NBAS: variants seen among roughly 807,000 people sequenced by gnomAD.
NBAS encodes the protein NBAS subunit of NRZ tethering complex.
Under a neutral mutation model 302.5 loss-of-function variants are expected in NBAS, and 219 were observed. The ratio of observed to expected loss-of-function variants is 0.72; its 90% CI spans 0.65 to 0.81. The LOEUF (loss-of-function observed/expected upper bound fraction) is 0.81. NBAS is among the 30% of genes least tolerant of loss of function. NBAS has a pLI of 0.00. For missense variants in NBAS, 2,932 were observed against 2,841.6 expected (o/e 1.03, Z -0.72); for synonymous variants, 1,118 against 1,021.6 (o/e 1.09, Z -1.80).
intron 24 of NBAS, 120 bp downstream of exon 24, chr2:15,417,407 C>G: frequency 2.3e-6 from 2 of 884,570 alleles, no homozygotes; most frequent in Non-Finnish European, 3.4e-6. Flanking sequence ...AAAAGTCAAT[C>G]TTTATTTACT....
chr2:15,170,270 C>T (rs1457354317), intron 51 of NBAS, among the ~76,000 whole-genome samples: 1 of 152,128 alleles, frequency 6.6e-6, no homozygotes, highest in African/African-American at 2.4e-5. Flanking sequence ...AAATCCTTCC[C>T]GTGTTTCTGG....
At chr2:14,865,920 G>C in the NBAS span, among the ~76,000 whole-genome samples, 1 of 152,108 alleles carries the variant, frequency 6.6e-6, no homozygotes, top group Admixed American at 6.5e-5. Context: ...GATCCAAACT[G>C]AAGATCTCAT....
the NBAS span, among the ~76,000 whole-genome samples, chr2:14,885,422 A>T: frequency 2.8e-3 from 419 of 152,290 alleles, 1 homozygote; most frequent in African/African-American, 9.9e-3. Flanking sequence ...ATACTAGAAG[A>T]GGTGGAAGTA....
chr2:15,341,662 G>C (rs1249733846), intron 35 of NBAS, among the ~76,000 whole-genome samples: 2 of 152,014 alleles, frequency 1.3e-5, no homozygotes, highest in South Asian at 4.2e-4. Context: ...ATAGAAGAAA[G>C]AATAAAATTC....
chr2:15,077,470 G>T, the NBAS span, among the ~76,000 whole-genome samples: 1 of 152,166 alleles, frequency 6.6e-6, no homozygotes, highest in African/African-American at 2.4e-5. Flanking sequence ...CATTTGCTGG[G>T]CACTGAGAAT....
At chr2:15,237,374 C>A (rs1427210463) in intron 45 of NBAS, among the ~76,000 whole-genome samples, 1 of 151,774 alleles carries the variant, frequency 6.6e-6, no homozygotes, top group Non-Finnish European at 1.5e-5. Context: ...CACCAAGGAA[C>A]TAGAAACCAC....
chr2:15,434,578 T>C (rs1384584689), intron 21 of NBAS, among the ~76,000 whole-genome samples: 2 of 152,264 alleles, frequency 1.3e-5, no homozygotes, highest in African/African-American at 2.4e-5. Flanking sequence ...TTTGGTGTTA[T>C]ATACGTAAAA....
At chr2:15,167,435 G>A (rs1397169092) in intron 51 of NBAS, 112 bp from the exon 52 acceptor site, 3 of 1,374,516 alleles carry the variant, frequency 2.2e-6, no homozygotes, top group East Asian at 4.9e-5. Flanking sequence ...GCCCTGGCCT[G>A]GGTTTAAAAG....
chr2:15,458,072 C>T (rs1679328831), intron 21 of NBAS, among the ~76,000 whole-genome samples: 1 of 152,126 alleles, frequency 6.6e-6, no homozygotes, highest in Admixed American at 6.5e-5. Context: ...ATACAAGCGC[C>T]GCCCTAACTG....
the NBAS span, among the ~76,000 whole-genome samples, chr2:14,942,828 A>G: frequency 1.3e-5 from 2 of 152,208 alleles, no homozygotes; most frequent in African/African-American, 2.4e-5. Flanking sequence ...TGTAGAGAAA[A>G]ATGACTTTCA....
chr2:15,089,234 G>A, the NBAS span, among the ~76,000 whole-genome samples: 3 of 151,868 alleles, frequency 2.0e-5, no homozygotes, highest in East Asian at 1.9e-4. Context: ...CTCCTGCTTC[G>A]GCCTCCCAGA....
chr2:15,406,998 G>C (rs1289691449), intron 25 of NBAS, among the ~76,000 whole-genome samples: 2 of 152,094 alleles, frequency 1.3e-5, no homozygotes, highest in Non-Finnish European at 2.9e-5. Flanking sequence ...GACAACTCTT[G>C]CCTTTTTAAA....
chr2:14,876,307 T>G, the NBAS span, among the ~76,000 whole-genome samples: 1 of 152,126 alleles, frequency 6.6e-6, no homozygotes, highest in African/African-American at 2.4e-5. Flanking sequence ...GACAACCAAG[T>G]AGATTAACAG....
At chr2:14,907,228 C>T in the NBAS span, among the ~76,000 whole-genome samples, 2 of 152,160 alleles carry the variant, frequency 1.3e-5, no homozygotes, top group African/African-American at 2.4e-5. Flanking sequence ...CCAGCTGTCA[C>T]CCTGGTAATT....
chr2:15,416,368 C>A (rs180900593), intron 24 of NBAS, among the ~76,000 whole-genome samples: 1 of 152,132 alleles, frequency 6.6e-6, no homozygotes, highest in African/African-American at 2.4e-5. Flanking sequence ...ATTACACAAT[C>A]GTTTCTCTTA....
At chr2:15,100,671 C>A in the NBAS span, among the ~76,000 whole-genome samples, 1 of 152,232 alleles carries the variant, frequency 6.6e-6, no homozygotes, top group East Asian at 1.9e-4. Flanking sequence ...CAGCATTGAG[C>A]CACAAGTAGA....
the NBAS span, among the ~76,000 whole-genome samples, chr2:15,111,265 C>T: frequency 6.6e-6 from 1 of 152,014 alleles, no homozygotes; most frequent in South Asian, 2.1e-4. Flanking sequence ...AAATCATCCC[C>T]CCAAAGCACA....
At chr2:15,076,392 G>A in the NBAS span, among the ~76,000 whole-genome samples, 738 of 152,298 alleles carry the variant, frequency 4.8e-3, 9 homozygotes, top group African/African-American at 0.015. Context: ...ATAACGTGCC[G>A]TTTTAGTCAT....
chr2:14,859,015 T>G, the NBAS span, among the ~76,000 whole-genome samples: 1 of 151,922 alleles, frequency 6.6e-6, no homozygotes, highest in Non-Finnish European at 1.5e-5. Context: ...AGATACAAAA[T>G]TTAGTAGCAT....
Sources: allele counts gnomAD v4.1 joint callset (sites outside exome capture counted in the v4.1 genomes callset), GRCh38; gene constraint gnomAD v4.1.1; transcripts MANE v1.5; gene names NCBI Gene and HGNC (gene_info 2026-07-23, HGNC 2026-07-21).